Variants in CFAP20DC observed in about 807,000 individuals in gnomAD.
The protein encoded by CFAP20DC is protein CFAP20DC.
A neutral mutation model predicts 101.7 loss-of-function variants in CFAP20DC; 84 were observed. The observed-to-expected ratio is 0.83, with a 90% CI of 0.69 to 0.99. The LOEUF is 0.99. CFAP20DC is among the 50% of genes least tolerant of loss of function. CFAP20DC has a pLI of 0.00. For synonymous variants in CFAP20DC, 359 were observed against 351.2 expected (o/e 1.02, Z -0.25); for missense variants, 1,007 against 970.3 (o/e 1.04, Z -0.50).
intron 2 of CFAP20DC, 22 bp downstream of exon 2, chr3:59,047,143 G>A (rs1699928607): frequency 1.4e-6 from 2 of 1,416,056 alleles, no homozygotes; most frequent in Admixed American, 4.0e-5. Context: ...TGATTTATGT[G>A]GCTCTAATTT....
rs1699852374 is a variant in CFAP20DC at position 59,046,256 on chromosome 3, G to C, written c.178C>G (p.Gln60Glu). 1.3e-6 allele frequency: 2 copies of C among 1,532,088 alleles called. No homozygotes were observed. Among genetic ancestry groups the C allele is most frequent in the Non-Finnish European group, 1.7e-6 (2 of 1,145,384 alleles). The allele number at this position is 1,532,088 out of a possible 1,614,324, so 94.9% of individuals were successfully genotyped here. Residue 60 changes from glutamine to glutamate, a missense_variant, in exon 3 of 17, where the codon CAG (glutamine) becomes GAG (glutamate). Physicochemically the swap from Gln to Glu is conservative, Grantham distance 29. Transcript: ENST00000482387. ...LEGSSQTNKIQLPKENKQSLG... is the reference protein window; with the variant it reads ...LEGSSQTNKIELPKENKQSLG... ...CTTTGCTTATTCTCCTTTGGTAACT[G>C]AATTTTGTTTGTTTGGCTGCTGCCT... is the stretch of plus-strand genomic sequence containing the variant.
At chr3:59,022,713 T>C (rs1201978597) in intron 4 of CFAP20DC, among the ~76,000 whole-genome samples, 1 of 152,096 alleles carries the variant, frequency 6.6e-6, no homozygotes, top group African/African-American at 2.4e-5. Context: ...TATTATAATA[T>C]ATTTTAAATA....
intron 5 of CFAP20DC, among the ~76,000 whole-genome samples, chr3:58,933,412 C>G (rs959435545): frequency 6.6e-6 from 1 of 151,898 alleles, no homozygotes; most frequent in Non-Finnish European, 1.5e-5. Context: ...CAGCTCTGCA[C>G]CAAGCGGACC....
At chr3:58,771,387 C>T (rs1308044855) in intron 15 of CFAP20DC, among the ~76,000 whole-genome samples, 1 of 151,614 alleles carries the variant, frequency 6.6e-6, no homozygotes, top group Non-Finnish European at 1.5e-5. Flanking sequence ...TAACCCAGAA[C>T]TTAAAGTATA....
intron 12 of CFAP20DC, among the ~76,000 whole-genome samples, chr3:58,851,734 T>C (rs761864667): frequency 3.3e-5 from 5 of 152,028 alleles, no homozygotes; most frequent in African/African-American, 7.2e-5. Flanking sequence ...TCTTTTTTTA[T>C]ATTACTAACT....
chr3:58,853,749 A>G (rs2078480355), intron 12 of CFAP20DC, among the ~76,000 whole-genome samples: 1 of 152,202 alleles, frequency 6.6e-6, no homozygotes, highest in South Asian at 2.1e-4. Flanking sequence ...GATTATCTCA[A>G]TAGATGCAGA....
At chr3:58,818,436 A>G (rs1346023826) in intron 14 of CFAP20DC, among the ~76,000 whole-genome samples, 10 of 151,134 alleles carry the variant, frequency 6.6e-5, no homozygotes, top group African/African-American at 2.5e-4. Context: ...AAATAAAAGG[A>G]TGGAGGAAGA....
chr3:58,810,286 T>C (rs1177407245), intron 14 of CFAP20DC, among the ~76,000 whole-genome samples: 5 of 152,202 alleles, frequency 3.3e-5, no homozygotes, highest in East Asian at 1.9e-4. Context: ...TTGATGAACA[T>C]TGATGCAAAA....
At chr3:58,918,214 C>T (rs1162578445) in intron 5 of CFAP20DC, among the ~76,000 whole-genome samples, 1 of 152,146 alleles carries the variant, frequency 6.6e-6, no homozygotes, top group Non-Finnish European at 1.5e-5. Context: ...TGTGCTTCTA[C>T]AGCCCTCTAA....
Position 58,912,302 on chromosome 3 carries a change from GCTT to G in CFAP20DC, c.550+1403_550+1405del, listed in dbSNP as rs1199779803. Among the ~76,000 whole-genome samples, 2 of 151,964 alleles carry G rather than the reference GCTT, an allele frequency of 1.3e-5. No individual in the cohort carries two copies. The highest frequency in any genetic ancestry group is 2.9e-5 in the Non-Finnish European group (2 of 68,000). ...CACAAATATTTCTATAAATTTTGAGGCTTCTTATTAGCTGGGTGCCATTTAAAA... is the reference window on the plus strand; with the variant it reads ...CACAAATATTTCTATAAATTTTGAGGCTTATTAGCTGGGTGCCATTTAAAA... On this transcript the variant is annotated intron_variant, in intron 6 of 16. Coordinates refer to ENST00000482387, the MANE Select transcript of CFAP20DC (RefSeq NM_001394063.1). The surrounding 1 kb of genome is among the most constrained non-coding windows in gnomAD (Gnocchi z 4.4).
At chr3:58,938,162 T>A (rs373140495) in intron 4 of CFAP20DC, among the ~76,000 whole-genome samples, 1 of 152,216 alleles carries the variant, frequency 6.6e-6, no homozygotes, top group Non-Finnish European at 1.5e-5. Context: ...TGGGTTTCTT[T>A]CCCTAAAAAT....
rs2082756586 is a variant in CFAP20DC at position 58,897,414 on chromosome 3, T to TA, written c.551-12706dup. Among the ~76,000 whole-genome samples the TA allele has an allele frequency of 6.6e-6, 1 of 152,206 alleles. No individual in the cohort carries two copies. The highest frequency in any genetic ancestry group is 2.4e-5 in the African/African-American group (1 of 41,460). On this transcript the variant is annotated intron_variant, in intron 6 of 16. Coordinates refer to ENST00000482387, the MANE Select transcript of CFAP20DC (RefSeq NM_001394063.1). The surrounding 1 kb of genome is among the most constrained non-coding windows in gnomAD (Gnocchi z 4.4). ...TGGGAATTTGATCCTGTCAACATGATAGCTGGTTATTTTGCAGATTTGTTT... is the reference window on the plus strand; with the variant it reads ...TGGGAATTTGATCCTGTCAACATGATAAGCTGGTTATTTTGCAGATTTGTTT...
intron 4 of CFAP20DC, 50 bp from the exon 5 acceptor site, chr3:58,937,812 C>T (rs776084777): frequency 9.0e-6 from 9 of 997,628 alleles, no homozygotes; most frequent in African/African-American, 6.4e-5. Context: ...AATTTAATAA[C>T]CACTTCTTTG....
chr3:58,945,200 A>T (rs1426339082), intron 4 of CFAP20DC, among the ~76,000 whole-genome samples: 3 of 152,238 alleles, frequency 2.0e-5, no homozygotes, highest in Non-Finnish European at 4.4e-5. Context: ...AGCAGAGTGC[A>T]GATTTAAACT....
At chr3:59,013,995 T>C (rs1043184859) in intron 4 of CFAP20DC, among the ~76,000 whole-genome samples, 6 of 152,236 alleles carry the variant, frequency 3.9e-5, no homozygotes, top group African/African-American at 9.6e-5. Context: ...CTGAATTCAC[T>C]GTCTTCTACT....
At chr3:58,917,301 A>C (rs867232538) in intron 5 of CFAP20DC, among the ~76,000 whole-genome samples, 7 of 151,974 alleles carry the variant, frequency 4.6e-5, no homozygotes, top group Admixed American at 2.6e-4. Flanking sequence ...ACACACACAC[A>C]CCCCACAAGT....
chr3:58,844,425 A>T lies in CFAP20DC; in HGVS notation c.1971+4607T>A, dbSNP rs1371934107. Among the ~76,000 whole-genome samples, 35 of 138,730 alleles carry T rather than the reference A, an allele frequency of 2.5e-4. 1 individual carries two copies. Among genetic ancestry groups the T allele is most frequent in the African/African-American group, 7.9e-4 (25 of 31,574 alleles). 91.0% of individuals were successfully genotyped at this position (138,730 alleles called of 152,430 possible). On this transcript the variant is annotated intron_variant, in intron 13 of 16. Transcript: ENST00000482387. ...CAAAAGAGACAAAGAAGGCCATTAC[A>T]TAATGGTAAAGGGATCAATTCAACA...
In CFAP20DC at chr3:59,031,756, C is replaced by T. The variant is rs115019879; in HGVS notation, c.278+7801G>A. On this transcript the variant is annotated intron_variant, in intron 4 of 16. Transcript: ENST00000482387. ...ATATGTTAACAACATATAAACAAAT[C>T]ATTAATATCTAAATTCATATAAATT... Among the ~76,000 whole-genome samples, 487 of 152,258 alleles carry T rather than the reference C, an allele frequency of 3.2e-3. 4 individuals carry two copies. Among genetic ancestry groups the T allele is most frequent in the African/African-American group, 0.011 (469 of 41,556 alleles).
At position 58,863,251 on chromosome 3, in the gene CFAP20DC, A is replaced by C; in HGVS notation, c.1593+307T>G. The C allele has an allele frequency of 7.3e-7, 1 of 1,375,336 alleles. No homozygotes were observed. The highest frequency in any genetic ancestry group is 9.3e-7 in the Non-Finnish European group (1 of 1,071,352). The allele number at this position is 1,375,336 out of a possible 1,614,324, so 85.2% of individuals were successfully genotyped here. A position where few individuals can be genotyped will look rare whatever the true frequency, so the allele number is the denominator to read the frequency against. On this transcript the variant is annotated intron_variant, in intron 12 of 16. Transcript: ENST00000482387. The surrounding 1 kb of genome is among the most constrained non-coding windows in gnomAD (Gnocchi z 5.9). Reference sequence around the variant, plus strand: ...TTCTCAGTGTTTTACTGGTCTTGCTATCATAGCACTAAACTGCATATCGTT... The same window carrying C: ...TTCTCAGTGTTTTACTGGTCTTGCTCTCATAGCACTAAACTGCATATCGTT...
Sources: gnomAD v4.1 joint callset for allele counts (sites outside exome capture counted in the v4.1 genomes callset) on GRCh38, gnomAD v4.1.1 for gene constraint, Gnocchi (gnomAD v3.1) non-coding constraint, MANE v1.5 for transcripts, NCBI Gene and HGNC (gene_info 2026-07-23, HGNC 2026-07-21) for gene names.